Variants in MACROD2 observed in about 807,000 individuals in gnomAD.
The protein encoded by MACROD2 is mono-ADP ribosylhydrolase 2.
A neutral mutation model predicts 70.4 loss-of-function variants in MACROD2; 36 were observed. That is an observed-to-expected ratio of 0.51 (90% confidence interval 0.39 to 0.68). The LOEUF is 0.68. MACROD2 is among the 30% of genes least tolerant of loss of function. MACROD2 has a pLI of 0.00. For missense variants in MACROD2, 496 were observed against 538.4 expected, an observed-to-expected ratio of 0.92 and a Z score of 0.78; for synonymous variants, 172 against 178.8, an observed-to-expected ratio of 0.96 and a Z score of 0.30.
At chr20:15,039,488 C>T (rs1568544117) in intron 5 of MACROD2, among the ~76,000 whole-genome samples, 1 of 152,136 alleles carries the variant, frequency 6.6e-6, no homozygotes, top group Admixed American at 6.5e-5. Flanking sequence ...TTGGAGAGAC[C>T]TTGCTTTTGA....
At position 14,061,368 on chromosome 20, in the gene MACROD2, C is replaced by T. The variant is rs535406631; in HGVS notation, c.164-24253C>T. Among the ~76,000 whole-genome samples the T allele has an allele frequency of 2.6e-5, 4 of 152,154 alleles. 1 individual carries two copies. In the South Asian group the frequency reaches 8.3e-4, roughly 32 times the overall value. ...AATCTACAGTATTTTGGCAGGATAACAAGAAATAAAATTTCTTTTTAAAAA... is the reference window on the plus strand; with the variant it reads ...AATCTACAGTATTTTGGCAGGATAATAAGAAATAAAATTTCTTTTTAAAAA... On this transcript the variant is annotated intron_variant, in intron 2 of 17. Coordinates refer to ENST00000684519, the MANE Select transcript of MACROD2 (RefSeq NM_001351661.2).
intron 8 of MACROD2, among the ~76,000 whole-genome samples, chr20:15,733,910 A>G (rs1024234164): frequency 9.2e-5 from 14 of 152,252 alleles, no homozygotes; most frequent in Admixed American, 3.3e-4. Context: ...TGAGATCATT[A>G]GGATGATGAA....
chr20:15,265,301 A>C (rs2077283768), intron 6 of MACROD2, among the ~76,000 whole-genome samples: 1 of 152,192 alleles, frequency 6.6e-6, no homozygotes, highest in Admixed American at 6.5e-5. Flanking sequence ...CTCTTCCAGG[A>C]GTATTTGAGC....
At chr20:14,712,194 C>T (rs2071346947) in intron 5 of MACROD2, among the ~76,000 whole-genome samples, 1 of 152,090 alleles carries the variant, frequency 6.6e-6, no homozygotes, top group Non-Finnish European at 1.5e-5. Flanking sequence ...GAAATACACA[C>T]TTATTTCATC....
chr20:14,448,153 G>C (rs1447761130), intron 3 of MACROD2, among the ~76,000 whole-genome samples: 3 of 151,954 alleles, frequency 2.0e-5, no homozygotes, highest in Non-Finnish European at 2.9e-5. Flanking sequence ...TTAGACCCTA[G>C]AGAGGTCAGA....
rs1229585489 is a variant in MACROD2 at position 15,460,992 on chromosome 20, A to ATT, written c.571+29558_571+29559insTT. Among the ~76,000 whole-genome samples, 3 of 80,232 alleles carry ATT rather than the reference A, an allele frequency of 3.7e-5. 1 individual carries two copies. The highest frequency in any genetic ancestry group is 1.5e-4 in the African/African-American group (3 of 19,520). 52.6% of individuals were successfully genotyped at this position (80,232 alleles called of 152,430 possible). A position where few individuals can be genotyped will look rare whatever the true frequency, so the allele number is the denominator to read the frequency against. ...TCTCTCTCTCCATATATATATATATATATATATATATATATTTTTTTTTAA... is the reference window on the plus strand; with the variant it reads ...TCTCTCTCTCCATATATATATATATATTTATATATATATATATTTTTTTTTAA... On this transcript the variant is annotated intron_variant, in intron 7 of 17. Transcript: ENST00000684519.
At chr20:14,061,149 C>T (rs951680881) in intron 2 of MACROD2, among the ~76,000 whole-genome samples, 7 of 152,026 alleles carry the variant, frequency 4.6e-5, no homozygotes, top group African/African-American at 1.2e-4. Context: ...GATGGTTTCT[C>T]CTTTGAAATG....
chr20:14,585,164 G>C (rs989004516), intron 4 of MACROD2, among the ~76,000 whole-genome samples: 1 of 152,160 alleles, frequency 6.6e-6, no homozygotes, highest in African/African-American at 2.4e-5. Context: ...AAGTTGACAT[G>C]CTTTAGCCAG....
intron 8 of MACROD2, among the ~76,000 whole-genome samples, chr20:15,500,678 A>G (rs1054385781): frequency 3.2e-4 from 49 of 152,168 alleles, no homozygotes; most frequent in African/African-American, 1.1e-3. Flanking sequence ...GAGATGAATT[A>G]TTTGGAAATA....
intron 5 of MACROD2, among the ~76,000 whole-genome samples, chr20:14,787,441 G>C (rs751815952): frequency 6.6e-6 from 1 of 152,126 alleles, no homozygotes; most frequent in Non-Finnish European, 1.5e-5. Context: ...TTCACTTGAA[G>C]AGATGTAATA....
intron 2 of MACROD2, among the ~76,000 whole-genome samples, chr20:14,074,871 G>T (rs576791839): frequency 6.6e-6 from 1 of 152,246 alleles, no homozygotes; most frequent in East Asian, 1.9e-4. Flanking sequence ...TTTAAATTTT[G>T]TGCTATTCTG....
intron 6 of MACROD2, among the ~76,000 whole-genome samples, chr20:15,393,437 C>G (rs2045818785): frequency 6.6e-6 from 1 of 152,140 alleles, no homozygotes. Context: ...CCAAAGTTAT[C>G]TTTGACTCTT....
At chr20:14,424,829 A>T (rs1362565463) in intron 3 of MACROD2, among the ~76,000 whole-genome samples, 1 of 152,238 alleles carries the variant, frequency 6.6e-6, no homozygotes, top group Non-Finnish European at 1.5e-5. Context: ...AATTTGAATC[A>T]TGTAAATCTA....
intron 5 of MACROD2, among the ~76,000 whole-genome samples, chr20:14,806,796 C>T (rs1378656458): frequency 6.6e-6 from 1 of 152,080 alleles, no homozygotes; most frequent in Non-Finnish European, 1.5e-5. Flanking sequence ...AGGCGGTTTT[C>T]CCCTTCACAC....
chr20:15,162,488 A>G (rs985458256), intron 5 of MACROD2, among the ~76,000 whole-genome samples: 9 of 152,150 alleles, frequency 5.9e-5, no homozygotes, highest in African/African-American at 2.2e-4. Flanking sequence ...GGCTATGTCC[A>G]TGACTACTAC....
intron 6 of MACROD2, among the ~76,000 whole-genome samples, chr20:15,430,452 T>G (rs1469859998): frequency 6.6e-6 from 1 of 152,002 alleles, no homozygotes; most frequent in Non-Finnish European, 1.5e-5. Flanking sequence ...ATCTTCCTTT[T>G]ACAATTGAAA....
chr20:14,758,906 A>C (rs2071978468), intron 5 of MACROD2, among the ~76,000 whole-genome samples: 1 of 152,088 alleles, frequency 6.6e-6, no homozygotes, highest in Admixed American at 6.5e-5. Context: ...CTAAGAACCA[A>C]ATATGGGGGC....
chr20:15,334,100 C>T (rs1021689256), intron 6 of MACROD2, among the ~76,000 whole-genome samples: 4 of 151,656 alleles, frequency 2.6e-5, no homozygotes, highest in African/African-American at 9.8e-5. Flanking sequence ...AGTTCTTTGT[C>T]CCCTGTTCCC....
At chr20:14,838,308 T>A (rs1000810991) in intron 5 of MACROD2, among the ~76,000 whole-genome samples, 2 of 152,150 alleles carry the variant, frequency 1.3e-5, no homozygotes, top group African/African-American at 4.8e-5. Flanking sequence ...AGACGATGGT[T>A]CTACATTTTA....
Sources: allele counts gnomAD v4.1 joint callset (sites outside exome capture counted in the v4.1 genomes callset), GRCh38; gene constraint gnomAD v4.1.1; transcripts MANE v1.5; gene names NCBI Gene and HGNC (gene_info 2026-07-23, HGNC 2026-07-21).